The following NPAS3 variants were observed in gnomAD, a reference collection of about 807,000 sequenced individuals.
NPAS3 encodes the protein neuronal PAS domain-containing protein 3.
Under a neutral mutation model 73.1 loss-of-function variants are expected in NPAS3, and 14 were observed. That is an observed-to-expected ratio of 0.19 (90% CI 0.13 to 0.30). NPAS3 has a LOEUF of 0.30. Among genes scored for constraint, NPAS3 ranks in the 10% least tolerant of loss-of-function variants. The pLI is 1.00. For synonymous variants in NPAS3, 620 were observed against 541.5 expected, an observed-to-expected ratio of 1.14 and a Z score of -2.01; for missense variants, 1,096 against 1,250.0, an observed-to-expected ratio of 0.88 and a Z score of 1.86.
intron 5 of NPAS3, among the ~76,000 whole-genome samples, chr14:33,624,368 A>C (rs148415460): frequency 4.6e-5 from 7 of 152,326 alleles, no homozygotes; most frequent in African/African-American, 1.4e-4. Context: ...TTTAGGACAC[A>C]GGTTCCTAAC....
chr14:33,305,126 G>A (rs1234967399), intron 3 of NPAS3, among the ~76,000 whole-genome samples: 1 of 152,178 alleles, frequency 6.6e-6, no homozygotes, highest in East Asian at 1.9e-4. Context: ...TTTTTTAAAA[G>A]TATGGGATTA....
At chr14:33,723,235 A>G (rs555571208) in intron 6 of NPAS3, among the ~76,000 whole-genome samples, 4 of 152,002 alleles carry the variant, frequency 2.6e-5, no homozygotes, top group African/African-American at 7.3e-5. Flanking sequence ...CCAATCTTCT[A>G]AACTCTTCCA....
chr14:33,214,522 T>G (rs1402726552), intron 2 of NPAS3: 1 of 152,234 alleles, frequency 6.6e-6, no homozygotes, highest in Admixed American at 6.5e-5. Context: ...AATCTACTAA[T>G]GTATGTCCAT....
At chr14:32,982,704 C>A (rs563983009) in intron 1 of NPAS3, among the ~76,000 whole-genome samples, 5 of 152,278 alleles carry the variant, frequency 3.3e-5, no homozygotes, top group African/African-American at 1.2e-4. Context: ...AGCATGGTCC[C>A]TTGCATCTGT....
intron 3 of NPAS3, among the ~76,000 whole-genome samples, chr14:33,245,053 A>C (rs1016020876): frequency 6.6e-6 from 1 of 152,234 alleles, no homozygotes; most frequent in Non-Finnish European, 1.5e-5. Context: ...CTCCTGATGT[A>C]GCTGAAGGCT....
intron 9 of NPAS3, chr14:33,780,688 TA>T: frequency 2.3e-6 from 1 of 441,510 alleles, no homozygotes; most frequent in Non-Finnish European, 4.5e-6. Context: ...TTCTCCCCAT[TA>T]AGCAAAGGTC....
At chr14:33,238,240 G>C (rs2048104354) in intron 3 of NPAS3, among the ~76,000 whole-genome samples, 1 of 151,968 alleles carries the variant, frequency 6.6e-6, no homozygotes, top group East Asian at 1.9e-4. Flanking sequence ...TGTTAGAGCT[G>C]ATATTGATAA....
At chr14:33,292,784 A>G (rs896897344) in intron 3 of NPAS3, among the ~76,000 whole-genome samples, 2 of 152,156 alleles carry the variant, frequency 1.3e-5, no homozygotes, top group African/African-American at 2.4e-5. Flanking sequence ...GCTAAAGTAC[A>G]TGATTTCTAG....
At chr14:33,782,093 C>G (rs1412457644) in intron 9 of NPAS3, among the ~76,000 whole-genome samples, 1 of 152,204 alleles carries the variant, frequency 6.6e-6, no homozygotes, top group Non-Finnish European at 1.5e-5. Context: ...TCTAGGGCCC[C>G]TTCTTTCACA....
At chr14:33,569,350 A>G (rs2056106173) in intron 5 of NPAS3, among the ~76,000 whole-genome samples, 1 of 152,146 alleles carries the variant, frequency 6.6e-6, no homozygotes, top group Non-Finnish European at 1.5e-5. Flanking sequence ...CCTAGATTGG[A>G]TGTTTTCAAG....
chr14:32,989,969 G>C (rs530505863), intron 1 of NPAS3, among the ~76,000 whole-genome samples: 55 of 151,448 alleles, frequency 3.6e-4, no homozygotes, highest in African/African-American at 1.2e-3. Flanking sequence ...TAAATTATAG[G>C]AGGCAAATCT....
chr14:33,252,313 G>T (rs764503520), intron 3 of NPAS3, among the ~76,000 whole-genome samples: 1 of 151,908 alleles, frequency 6.6e-6, no homozygotes, highest in Non-Finnish European at 1.5e-5. Flanking sequence ...GTTCATTATA[G>T]AATGATACTC....
chr14:33,257,326 CATA>C (rs1566730792), intron 3 of NPAS3, among the ~76,000 whole-genome samples: 1 of 152,022 alleles, frequency 6.6e-6, no homozygotes, highest in Non-Finnish European at 1.5e-5. Context: ...GTGCCTTCAC[CATA>C]ATAACTCCAG....
chr14:33,197,269 T>TGTGTGTGTG (rs1300549499), intron 2 of NPAS3, among the ~76,000 whole-genome samples: 3 of 20,804 alleles, frequency 1.4e-4, no homozygotes, highest in African/African-American at 4.4e-4. Flanking sequence ...GTGTGTGTGT[T>TGTGTGTGTG]CTTTTTCAAT....
chr14:33,158,719 G>T (rs1235546844), intron 2 of NPAS3, among the ~76,000 whole-genome samples: 2 of 152,150 alleles, frequency 1.3e-5, no homozygotes, highest in Non-Finnish European at 2.9e-5. Flanking sequence ...TAGTGCAAAG[G>T]CCACGAGATG....
intron 2 of NPAS3, among the ~76,000 whole-genome samples, chr14:33,197,138 G>A (rs1566664127): frequency 1.3e-5 from 2 of 151,982 alleles, no homozygotes; most frequent in Non-Finnish European, 2.9e-5. Context: ...TAAAATTATA[G>A]CCTACAGTTG....
chr14:33,103,543 C>T (rs919870447), intron 2 of NPAS3, among the ~76,000 whole-genome samples: 10 of 152,272 alleles, frequency 6.6e-5, no homozygotes, highest in Admixed American at 3.9e-4. Flanking sequence ...TAGAAAATAG[C>T]GTCCTTGAAG....
intron 2 of NPAS3, among the ~76,000 whole-genome samples, chr14:33,121,706 T>TAGAAAGTATAATTGAAAGACAC (rs1201033555): frequency 6.6e-6 from 1 of 152,068 alleles, no homozygotes; most frequent in Non-Finnish European, 1.5e-5. Flanking sequence ...ATCCTGGAAA[T>TAGAAAGTATAATTGAAAGACAC]AGAAAGTATA....
chr14:33,195,853 T>C (rs2046333287), intron 2 of NPAS3, among the ~76,000 whole-genome samples: 1 of 152,230 alleles, frequency 6.6e-6, no homozygotes, highest in Non-Finnish European at 1.5e-5. Context: ...ATTTACTTAT[T>C]GAAGGCTGAA....
Sources: allele counts gnomAD v4.1 joint callset (sites outside exome capture counted in the v4.1 genomes callset), GRCh38; gene constraint gnomAD v4.1.1; transcripts MANE v1.5; gene names NCBI Gene and HGNC (gene_info 2026-07-23, HGNC 2026-07-21).